The following PBX1 variants were observed in gnomAD, a reference collection of about 807,000 sequenced individuals.
The protein encoded by PBX1 is pre-B-cell leukemia transcription factor 1.
Under a neutral mutation model 53.4 loss-of-function variants are expected in PBX1, and 6 were observed. The ratio of observed to expected loss-of-function variants is 0.11; its 90% CI spans 0.06 to 0.22. The LOEUF (loss-of-function observed/expected upper bound fraction) is 0.22, where lower values mean the gene tolerates loss of function less well. Ranked by LOEUF, PBX1 falls within the 10% of genes least tolerant of loss-of-function variation. The pLI is 1.00. For synonymous variants in PBX1, 204 were observed against 212.3 expected (o/e 0.96, Z 0.34); for missense variants, 251 against 551.4 (o/e 0.46, Z 5.46).
chr1:164,664,383 G>A (rs924236827), intron 2 of PBX1, among the ~76,000 whole-genome samples: 1 of 152,106 alleles, frequency 6.6e-6, no homozygotes, highest in Non-Finnish European at 1.5e-5. Context: ...TACCAAAACT[G>A]TCACCACAAT....
chr1:164,700,391 G>C, intron 2 of PBX1: 1 of 909,142 alleles, frequency 1.1e-6, no homozygotes, highest in Non-Finnish European at 1.3e-6. Context: ...AAGGGAGCGT[G>C]AGGTTCTGTT....
chr1:164,639,982 AAAAG>A (rs2101897768), intron 2 of PBX1, among the ~76,000 whole-genome samples: 1 of 152,210 alleles, frequency 6.6e-6, no homozygotes, highest in East Asian at 1.9e-4. Context: ...ATTAAAAAAA[AAAAG>A]AAATCCTATG....
chr1:164,694,036 G>C (rs779165599), intron 2 of PBX1, among the ~76,000 whole-genome samples: 6 of 152,060 alleles, frequency 3.9e-5, no homozygotes, highest in Non-Finnish European at 8.8e-5. Flanking sequence ...CACAGAACTA[G>C]AGAGACTAGT....
rs769041303 is a variant in PBX1 at position 164,559,872 on chromosome 1, C to T, written c.50C>T (p.Ala17Val). 6.4e-7 allele frequency: 1 copy of T among 1,550,516 alleles called. No homozygotes were observed. The highest frequency in any genetic ancestry group is 1.2e-5 in the South Asian group (1 of 84,002). ...CATTCCCATGCTGGGGTCGGGATGGCCGGACACCCCGGCCTGTCCCAGCAC... is the reference window on the plus strand; with the variant it reads ...CATTCCCATGCTGGGGTCGGGATGGTCGGACACCCCGGCCTGTCCCAGCAC... ...LMHSHAGVGM[A>V]GHPGLSQHLQ... The change falls in exon 1 of 9, where the codon GCC (alanine) becomes GTC (valine). Residue 17 changes from alanine to valine, a missense_variant. By Grantham distance (64) the Ala-to-Val change is moderately conservative. Transcript: ENST00000420696.
intron 6 of PBX1, chr1:164,816,784 C>CATTATT (rs925299331): frequency 4.6e-4 from 69 of 151,280 alleles, no homozygotes; most frequent in Non-Finnish European, 9.0e-4. Context: ...TAAGCTTTAT[C>CATTATT]ATTATTATTA....
chr1:164,858,906 CT>C (rs1299616887), intron 2 of PBX1, among the ~76,000 whole-genome samples: 1 of 152,126 alleles, frequency 6.6e-6, no homozygotes, highest in Non-Finnish European at 1.5e-5. Context: ...TCTCCTAGTG[CT>C]TTTTTTCTAG....
intron 2 of PBX1, among the ~76,000 whole-genome samples, chr1:164,776,277 G>T (rs1667639665): frequency 6.6e-6 from 1 of 152,150 alleles, no homozygotes; most frequent in Admixed American, 6.5e-5. Context: ...AGGAAGCAGA[G>T]AATCCGCATC....
rs181845831 is a variant in PBX1 at position 164,742,374 on chromosome 1, T to A, written c.266-50120T>A. Among the ~76,000 whole-genome samples the A allele has an allele frequency of 1.0e-3, 157 of 152,198 alleles. 2 individuals carry two copies. Among genetic ancestry groups the A allele is most frequent in the African/African-American group, 2.8e-3 (116 of 41,538 alleles). On this transcript the variant is annotated intron_variant, in intron 2 of 8. Transcript: ENST00000420696. Reference sequence around the variant, plus strand: ...CTGGCCAACATGGCAAAACCCCATGTCTACTAAAAATACAAAAATTAGCCA... The same window carrying A: ...CTGGCCAACATGGCAAAACCCCATGACTACTAAAAATACAAAAATTAGCCA...
chr1:164,617,081 T>G (rs1314135664), intron 2 of PBX1, among the ~76,000 whole-genome samples: 2 of 152,210 alleles, frequency 1.3e-5, no homozygotes, highest in Non-Finnish European at 2.9e-5. Flanking sequence ...TAAAAACTCC[T>G]CAAATTTATA....
At chr1:164,636,370 G>A (rs888958292) in intron 2 of PBX1, among the ~76,000 whole-genome samples, 3 of 152,128 alleles carry the variant, frequency 2.0e-5, no homozygotes, top group Non-Finnish European at 4.4e-5. Context: ...GGAACAAGGT[G>A]CATGAGCCCA....
In PBX1 at chr1:164,849,102, G is replaced by A. The variant is rs1446138942; in HGVS notation, c.*2426G>A. 1 of 1,349,258 alleles carries A rather than the reference G, an allele frequency of 7.4e-7. No individual in the cohort carries two copies. The highest frequency in any genetic ancestry group is 1.5e-5 in the African/African-American group (1 of 68,260). 83.6% of individuals were successfully genotyped at this position (1,349,258 alleles called of 1,614,324 possible). A position where few individuals can be genotyped will look rare whatever the true frequency, so the allele number is the denominator to read the frequency against. ...AAACTACCCACGCAAGAACATGGTT[G>A]AATCACATTTGCTTGACTTAGGGCA... is the stretch of plus-strand genomic sequence containing the variant. On this transcript the variant is annotated 3_prime_UTR_variant, in exon 9 of 9. Transcript: ENST00000420696.
chr1:164,604,324 A>G (rs2101809513), intron 2 of PBX1, among the ~76,000 whole-genome samples: 1 of 152,310 alleles, frequency 6.6e-6, no homozygotes, highest in Admixed American at 6.5e-5. Flanking sequence ...TCTTGACCAC[A>G]CTATGTTTGG....
chr1:164,716,922 G>A (rs189040527), intron 2 of PBX1, among the ~76,000 whole-genome samples: 2 of 152,180 alleles, frequency 1.3e-5, no homozygotes, highest in Non-Finnish European at 2.9e-5. Flanking sequence ...ATGCAGTTTC[G>A]GAGACAGAGA....
intron 2 of PBX1, among the ~76,000 whole-genome samples, chr1:164,629,009 C>T (rs931987236): frequency 2.6e-5 from 4 of 152,130 alleles, no homozygotes; most frequent in Non-Finnish European, 4.4e-5. Flanking sequence ...TGACATCTCA[C>T]GCAAGATTCT....
intron 2 of PBX1, among the ~76,000 whole-genome samples, chr1:164,604,923 G>A (rs1422414569): frequency 6.6e-6 from 1 of 152,106 alleles, no homozygotes; most frequent in Non-Finnish European, 1.5e-5. Flanking sequence ...AATGGAAAAA[G>A]ACAAGACAAA....
chr1:164,868,770 G>A (rs1015091582), intron 2 of PBX1, among the ~76,000 whole-genome samples: 5 of 152,180 alleles, frequency 3.3e-5, no homozygotes, highest in Non-Finnish European at 7.3e-5. Context: ...CTTCCACCAG[G>A]TAATGCTCTG....
At chr1:164,629,639 A>G (rs1463143573) in intron 2 of PBX1, among the ~76,000 whole-genome samples, 1 of 152,190 alleles carries the variant, frequency 6.6e-6, no homozygotes, top group African/African-American at 2.4e-5. Context: ...CACCTTTGCT[A>G]CAATTTGTTA....
At chr1:164,800,067 A>G (rs750278912) in intron 4 of PBX1, among the ~76,000 whole-genome samples, 178 bp downstream of exon 4, 3 of 152,196 alleles carry the variant, frequency 2.0e-5, no homozygotes, top group Non-Finnish European at 4.4e-5. Context: ...TACCAGGAAA[A>G]TACATGGTTG....
rs1013777866 is a variant in PBX1, at chr1:164,847,834, G to A, written c.*1158G>A. On this transcript the variant is annotated 3_prime_UTR_variant, in exon 9 of 9. Transcript: ENST00000420696. ...CAGGCCCACTAGCGTGCACTTACCAGAATGGCATACACAGGACCTGATCAT... is the reference window on the plus strand; with the variant it reads ...CAGGCCCACTAGCGTGCACTTACCAAAATGGCATACACAGGACCTGATCAT... The A allele has an allele frequency of 9.5e-7, 1 of 1,055,426 alleles. No homozygotes were observed. The highest frequency in any genetic ancestry group is 5.3e-5 in the East Asian group (1 of 18,930). 65.4% of individuals were successfully genotyped at this position (1,055,426 alleles called of 1,614,324 possible). A position where few individuals can be genotyped will look rare whatever the true frequency, so the allele number is the denominator to read the frequency against.
Sources: gnomAD v4.1 joint callset for allele counts (sites outside exome capture counted in the v4.1 genomes callset) on GRCh38, gnomAD v4.1.1 for gene constraint, MANE v1.5 for transcripts, NCBI Gene and HGNC (gene_info 2026-07-23, HGNC 2026-07-21) for gene names.